The following PCNT variants were observed in gnomAD, a reference collection of about 807,000 sequenced individuals.
PCNT encodes kendrin.
In PCNT, 319 loss-of-function variants were observed where a neutral mutation model predicts 380.4. That is an observed-to-expected ratio of 0.84 (90% CI 0.77 to 0.92). The LOEUF (loss-of-function observed/expected upper bound fraction) is 0.92, where lower values mean the gene tolerates loss of function less well. Among genes scored for constraint, PCNT ranks in the 40% least tolerant of loss-of-function variants. The pLI is 0.00. For missense variants in PCNT, 4,400 were observed against 4,255.3 expected (o/e 1.03, Z -0.95); for synonymous variants, 1,845 against 1,735.2 (o/e 1.06, Z -1.57).
At chr21:46,395,601 A>G (rs2086182273) in intron 21 of PCNT, among the ~76,000 whole-genome samples, 1 of 151,462 alleles carries the variant, frequency 6.6e-6, no homozygotes, top group Non-Finnish European at 1.5e-5. Flanking sequence ...AAATAATAAT[A>G]AAATAGAGAC....
At chr21:46,337,878 A>G (rs7279193) in intron 3 of PCNT, among the ~76,000 whole-genome samples, 132,176 of 152,008 alleles carry the variant, frequency 0.87, 57,521 homozygotes, top group Middle Eastern at 0.9. Context: ...GCCACCGCGC[A>G]GACTGTTTTT....
rs111697920 is a variant in PCNT, at chr21:46,391,303, G to A, written c.4143G>A (p.Ala1381=). ...QLQQAAQEQA[A]LREECTRLWS... ...AGCAGGCGGCCCAGGAGCAGGCGGC[G>A]CTGAGGGAGGAGTGCACCCGTCTGT... Residue 1381 remains alanine (A), a synonymous_variant, in exon 21 of 47, where the codon GCG becomes GCA. Coordinates refer to ENST00000359568, the MANE Select transcript of PCNT (RefSeq NM_006031.6). The A allele has an allele frequency of 1.8e-5, 28 of 1,571,136 alleles. No individual in the cohort carries two copies. Among genetic ancestry groups the A allele is most frequent in the African/African-American group, 4.0e-5 (3 of 74,310 alleles).
At chr21:46,356,224 G>A (rs943698641) in intron 12 of PCNT, among the ~76,000 whole-genome samples, 3 of 152,356 alleles carry the variant, frequency 2.0e-5, no homozygotes, top group East Asian at 1.9e-4. Flanking sequence ...CCATGGTGGG[G>A]GTGAGGGGCT....
rs962514563 is a variant in PCNT at position 46,328,932 on chromosome 21, G to A, written c.267+2343G>A. 1.1e-4 allele frequency among the ~76,000 whole-genome samples: 16 copies of A among 152,016 alleles called. No homozygotes were observed. In the East Asian group the frequency reaches 2.7e-3, roughly 26 times the overall value. On this transcript the variant is annotated intron_variant, in intron 2 of 46. Coordinates refer to ENST00000359568, the MANE Select transcript of PCNT (RefSeq NM_006031.6). Reference sequence around the variant, plus strand: ...GGGATTACAAGTGGGCACCACCATGGCCGGCTAATTTTTGTATTTGTTTGG... The same window carrying A: ...GGGATTACAAGTGGGCACCACCATGACCGGCTAATTTTTGTATTTGTTTGG...
In PCNT at chr21:46,431,877, C is replaced by A. The variant is rs773258643; in HGVS notation, c.8413C>A (p.Gln2805Lys). The A allele has an allele frequency of 6.2e-7, 1 of 1,614,090 alleles. No individual in the cohort carries two copies. Among genetic ancestry groups the A allele is most frequent in the Non-Finnish European group, 8.5e-7 (1 of 1,180,030 alleles). ...GGAGAAGTCCCGGGTGGTGGACTTG[C>A]AAGCGATGCTTGAAAAGGTGCAGCA... is the stretch of plus-strand genomic sequence containing the variant. The part of the protein sequence containing the change: ...KEEKSRVVDL[Q>K]AMLEKVQQQA... Residue 2805 changes from glutamine (Q) to lysine (K), a missense_variant, in exon 38 of 47, where the codon CAA becomes AAA. By Grantham distance (53) the Gln-to-Lys change is moderately conservative (BLOSUM62 1). Coordinates refer to ENST00000359568, the MANE Select transcript of PCNT (RefSeq NM_006031.6).
At position 46,366,922 on chromosome 21, in the gene PCNT, G is replaced by A. The variant is rs1475207904; in HGVS notation, c.2948G>A (p.Arg983His). The change falls in exon 15 of 47, where the codon CGT (arginine) becomes CAT (histidine). Residue 983 changes from arginine (R) to histidine (H), a missense_variant. By Grantham distance (29) the Arg-to-His change is conservative. Transcript: ENST00000359568. ...TACCTCTCTGAATTTCAGACCATCC[G>A]TGAGGAGCACAGGCAGGCCCTAGAG... ...SCYLSEFQTI[R>H]EEHRQALELL... The A allele has an allele frequency of 3.1e-6, 5 of 1,614,230 alleles. No homozygotes were observed. Among genetic ancestry groups the A allele is most frequent in the East Asian group, 4.5e-5 (2 of 44,880 alleles).
chr21:46,334,272 T>C (rs904247419), intron 2 of PCNT, 125 bp from the exon 3 acceptor site: 1 of 1,290,536 alleles, frequency 7.7e-7, no homozygotes, highest in Non-Finnish European at 1.1e-6. Context: ...TCTGAACAGG[T>C]GGAAGTGAGC....
intron 3 of PCNT, among the ~76,000 whole-genome samples, chr21:46,337,210 C>A (rs2083773416): frequency 6.6e-6 from 1 of 152,130 alleles, no homozygotes; most frequent in African/African-American, 2.4e-5. Flanking sequence ...CTCCTGACCT[C>A]AGATGATCCA....
rs142402562 is a variant in PCNT, at chr21:46,416,640, G to A, written c.6722G>A (p.Ser2241Asn). 34 of 1,567,856 alleles carry A rather than the reference G, an allele frequency of 2.2e-5. No individual in the cohort carries two copies. The African/African-American group carries it at 4.5e-4, about 21-fold the overall frequency. ...RKDWTLEPWP[S>N]LPVTPHSGAL... ...GACTGGACCCTGGAGCCCTGGCCCA[G>A]CCTCCCCGTGACACCCCACTCAGGA... is the stretch of plus-strand genomic sequence containing the variant. Residue 2241 changes from serine to asparagine, a missense_variant, in exon 30 of 47, where the codon AGC (serine) becomes AAC (asparagine). By Grantham distance (46) the Ser-to-Asn change is conservative. Coordinates refer to ENST00000359568, the MANE Select transcript of PCNT (RefSeq NM_006031.6).
At chr21:46,415,776 C>A (rs993403247) in intron 29 of PCNT, among the ~76,000 whole-genome samples, 2 of 152,202 alleles carry the variant, frequency 1.3e-5, no homozygotes. Flanking sequence ...ACATAAACCA[C>A]AATTTTGTGT....
chr21:46,398,283 TCCCTGCGCTGGCGCCCAGGCTC>T (rs775241811), intron 24 of PCNT, 28 bp downstream of exon 24: 15 of 1,590,850 alleles, frequency 9.4e-6, no homozygotes, highest in Non-Finnish European at 1.3e-5. Context: ...AGATGGGCAC[TCCCTGCGCTGGCGCCCAGGCTC>T]CCCTGCGCTC....
rs565933497 is a variant in PCNT, at chr21:46,397,568, G to A, written c.4446+74G>A. The A allele has an allele frequency of 7.2e-6, 9 of 1,250,390 alleles. No individual in the cohort carries two copies. The East Asian group carries it at 1.9e-4, about 26-fold the overall frequency. 77.5% of individuals were successfully genotyped at this position (1,250,390 alleles called of 1,614,324 possible). On this transcript the variant is annotated intron_variant, in intron 22 of 46. Coordinates refer to ENST00000359568, the MANE Select transcript of PCNT (RefSeq NM_006031.6). ...TACAGCATGAACTTCTTTCCAGATC[G>A]TTACGTAAGCTTCTGCAGTAGGATG...
intron 29 of PCNT, among the ~76,000 whole-genome samples, chr21:46,414,076 C>G (rs2086912415): frequency 1.3e-5 from 2 of 151,682 alleles, no homozygotes; most frequent in Non-Finnish European, 2.9e-5. Context: ...ACTGCAACCT[C>G]TGCCTCCCGA....
At position 46,395,022 on chromosome 21, in the gene PCNT, C is replaced by T. The variant is rs181552699; in HGVS notation, c.4217-2243C>T. On this transcript the variant is annotated intron_variant, in intron 21 of 46. Transcript: ENST00000359568. ...GTTCTGGGCCAAGCACAGCCCAGGT[C>T]GTGTCCAGGCCCAGGGAGTGCAGTC... Among the ~76,000 whole-genome samples, 416 of 152,308 alleles carry T rather than the reference C, an allele frequency of 2.7e-3. 3 individuals carry two copies. Among genetic ancestry groups the T allele is most frequent in the Admixed American group, 2.2e-3 (33 of 15,308 alleles).
At chr21:46,342,132 G>A (rs1601781538) in intron 3 of PCNT, among the ~76,000 whole-genome samples, 1 of 151,820 alleles carries the variant, frequency 6.6e-6, no homozygotes. Flanking sequence ...GTAGAGATGG[G>A]GTTTTGCCAT....
At chr21:46,353,354 A>T in intron 10 of PCNT, 28 bp downstream of exon 10, 1 of 1,582,186 alleles carries the variant, frequency 6.3e-7, no homozygotes, top group Non-Finnish European at 8.7e-7. Flanking sequence ...AGCCTCAGTG[A>T]GTTTCTGCCA....
At chr21:46,387,870 C>T (rs1033737531) in intron 17 of PCNT, among the ~76,000 whole-genome samples, 9 of 151,988 alleles carry the variant, frequency 5.9e-5, no homozygotes, top group Admixed American at 3.3e-4. Context: ...GTGCAGGGAG[C>T]GAGATGTGGA....
chr21:46,418,274 G>C lies in PCNT; in HGVS notation c.6992G>C (p.Gly2331Ala). ...GAAACATTAAGTTCACCTCCTCCTGGATTAGAAGGAAAAGCTGATAGAAGT... is the reference window on the plus strand; with the variant it reads ...GAAACATTAAGTTCACCTCCTCCTGCATTAGAAGGAAAAGCTGATAGAAGT... ...SQETLSSPPP[G>A]LEGKADRSEK... Residue 2331 changes from glycine to alanine, a missense_variant, in exon 31 of 47, where the codon GGA becomes GCA. By Grantham distance (60) the Gly-to-Ala change is moderately conservative. Transcript: ENST00000359568. The C allele has an allele frequency of 6.2e-7, 1 of 1,605,586 alleles. No homozygotes were observed. The highest frequency in any genetic ancestry group is 1.7e-4 in the Middle Eastern group (1 of 6,048).
At chr21:46,445,188 G>T in intron 46 of PCNT, 96 bp from the exon 47 acceptor site, 1 of 863,682 alleles carries the variant, frequency 1.2e-6, no homozygotes, top group South Asian at 1.3e-5. Flanking sequence ...AAATTTACAT[G>T]AATTCAGTGA....
Sources: gnomAD v4.1 joint callset for allele counts (sites outside exome capture counted in the v4.1 genomes callset) on GRCh38, gnomAD v4.1.1 for gene constraint, MANE v1.5 for transcripts, NCBI Gene and HGNC (gene_info 2026-07-23, HGNC 2026-07-21) for gene names.